SOX5: variants seen among roughly 807,000 people sequenced by gnomAD.
SOX5 encodes transcription factor SOX-5.
In SOX5, 9 loss-of-function variants were observed where a neutral mutation model predicts 92.0. The ratio of observed to expected loss-of-function variants is 0.10; its 90% CI spans 0.06 to 0.17. SOX5 has a LOEUF of 0.17. SOX5 is among the 10% of genes least tolerant of loss of function. The pLI is 1.00. For synonymous variants in SOX5, 344 were observed against 336.3 expected, an observed-to-expected ratio of 1.02 and a Z score of -0.25; for missense variants, 642 against 944.5, an observed-to-expected ratio of 0.68 and a Z score of 4.20.
intron 1 of SOX5, among the ~76,000 whole-genome samples, chr12:24,451,163 TAA>T (rs1942243939): frequency 6.6e-6 from 1 of 152,240 alleles, no homozygotes; most frequent in African/African-American, 2.4e-5. Flanking sequence ...CCACTGTGTA[TAA>T]GTACCACATT....
At chr12:24,028,530 C>T (rs904615176) in intron 4 of SOX5, among the ~76,000 whole-genome samples, 1 of 151,982 alleles carries the variant, frequency 6.6e-6, no homozygotes, top group South Asian at 2.1e-4. Flanking sequence ...TTGCATGCTA[C>T]TAGGCTGGTA....
chr12:24,493,029 T>C (rs1259079736), intron 1 of SOX5, among the ~76,000 whole-genome samples: 1 of 152,198 alleles, frequency 6.6e-6, no homozygotes, highest in Non-Finnish European at 1.5e-5. Context: ...TTATCTATTT[T>C]ACAAGCTGGT....
At chr12:23,853,662 A>G (rs564168061) in intron 2 of SOX5, among the ~76,000 whole-genome samples, 43 of 151,626 alleles carry the variant, frequency 2.8e-4, no homozygotes, top group African/African-American at 9.9e-4. Flanking sequence ...GTATGTTTTC[A>G]TGTGCTCTCA....
intron 11 of SOX5, among the ~76,000 whole-genome samples, chr12:23,557,675 G>C (rs1264976224): frequency 6.6e-6 from 1 of 152,120 alleles, no homozygotes; most frequent in Non-Finnish European, 1.5e-5. Context: ...CCCAGACAAG[G>C]TATAAGAACC....
chr12:23,536,369 T>C, intron 14 of SOX5, 84 bp downstream of exon 14: 1 of 1,082,728 alleles, frequency 9.2e-7, no homozygotes, highest in African/African-American at 1.5e-5. Flanking sequence ...AAATGTCTTT[T>C]TGCAACTGAA....
intron 4 of SOX5, among the ~76,000 whole-genome samples, chr12:23,975,367 A>G (rs1192089186): frequency 1.3e-5 from 2 of 152,188 alleles, no homozygotes; most frequent in Non-Finnish European, 2.9e-5. Flanking sequence ...AATTAAGTGT[A>G]AAGCGTGAAA....
chr12:24,353,797 C>T (rs500633), intron 2 of SOX5, among the ~76,000 whole-genome samples: 7 of 151,776 alleles, frequency 4.6e-5, no homozygotes, highest in South Asian at 2.1e-4. Context: ...CCCGCCACCA[C>T]GCCCAGCTAA....
intron 8 of SOX5, among the ~76,000 whole-genome samples, chr12:23,639,688 AGAAAT>A (rs2079781631): frequency 6.6e-6 from 1 of 152,226 alleles, no homozygotes; most frequent in East Asian, 1.9e-4. Context: ...AAGGAAGAAT[AGAAAT>A]GAATGTTATT....
chr12:24,307,510 GAAGGAA>G (rs1404212407), intron 2 of SOX5, among the ~76,000 whole-genome samples: 1 of 37,066 alleles, frequency 2.7e-5, no homozygotes, highest in African/African-American at 4.7e-5. Context: ...AGGAAGGAAG[GAAGGAA>G]GGCCGGCCCC....
intron 8 of SOX5, among the ~76,000 whole-genome samples, chr12:23,639,328 C>A (rs16926498): frequency 1.3e-5 from 2 of 152,278 alleles, no homozygotes; most frequent in Admixed American, 1.3e-4. Context: ...CGAAGAGAGT[C>A]GTGCAATGAA....
intron 3 of SOX5, among the ~76,000 whole-genome samples, chr12:23,837,020 A>G (rs1222820286): frequency 4.6e-5 from 7 of 150,984 alleles, no homozygotes; most frequent in African/African-American, 1.7e-4. Context: ...GTTGCATCAC[A>G]GAGCTTTGGA....
intron 4 of SOX5, among the ~76,000 whole-genome samples, chr12:24,053,905 G>A (rs1957842814): frequency 1.3e-5 from 2 of 152,162 alleles, no homozygotes; most frequent in South Asian, 2.1e-4. Flanking sequence ...GTAAGAATAA[G>A]GAAACTGATA....
At chr12:23,694,523 C>A (rs2089469467) in intron 6 of SOX5, among the ~76,000 whole-genome samples, 1 of 151,906 alleles carries the variant, frequency 6.6e-6, no homozygotes, top group African/African-American at 2.4e-5. Context: ...GGGGCTTAAC[C>A]CATTAATCAA....
chr12:23,932,484 G>A (rs1184458584), intron 1 of SOX5, among the ~76,000 whole-genome samples: 1 of 151,488 alleles, frequency 6.6e-6, no homozygotes, highest in African/African-American at 2.4e-5. Context: ...TAACTTTCTT[G>A]GATCTGCTAA....
In SOX5 at chr12:24,398,816, T is replaced by G. The variant is rs190917839; in HGVS notation, c.-250-30177A>C. ...GAGAGTAGCTTCTGTCTCCGTGTAT[T>G]TCAAACCTAGTTTCACTCCCGCCAC... On this transcript the variant is annotated intron_variant, in intron 1 of 4. Transcript: ENST00000446891. Among the ~76,000 whole-genome samples, 322 of 152,268 alleles carry G rather than the reference T, an allele frequency of 2.1e-3. 1 individual carries two copies. Among genetic ancestry groups the G allele is most frequent in the Non-Finnish European group, 3.8e-3 (261 of 68,016 alleles).
At chr12:24,380,154 C>G (rs182096686) in intron 1 of SOX5, among the ~76,000 whole-genome samples, 2 of 152,306 alleles carry the variant, frequency 1.3e-5, no homozygotes, top group Middle Eastern at 3.4e-3. Context: ...CATTGACACA[C>G]GTAATTGTTT....
At chr12:23,994,028 C>A (rs551230457) in intron 4 of SOX5, among the ~76,000 whole-genome samples, 1 of 152,112 alleles carries the variant, frequency 6.6e-6, no homozygotes, top group Non-Finnish European at 1.5e-5. Flanking sequence ...ATGGGAGAAT[C>A]ATTTGAGCTC....
intron 1 of SOX5, among the ~76,000 whole-genome samples, chr12:23,937,404 T>C (rs1942812014): frequency 6.6e-6 from 1 of 150,922 alleles, no homozygotes; most frequent in Non-Finnish European, 1.5e-5. Context: ...TAATTTCCTA[T>C]CCATAGCATG....
intron 9 of SOX5, among the ~76,000 whole-genome samples, chr12:23,587,838 A>G (rs1304991404): frequency 6.6e-6 from 1 of 152,104 alleles, no homozygotes; most frequent in African/African-American, 2.4e-5. Context: ...AAAGAAGTGA[A>G]GGAGAGGATG....
Sources: allele counts gnomAD v4.1 joint callset (sites outside exome capture counted in the v4.1 genomes callset), GRCh38; gene constraint gnomAD v4.1.1; transcripts MANE v1.5; gene names NCBI Gene and HGNC (gene_info 2026-07-23, HGNC 2026-07-21).